The following KCNQ5 variants were observed in gnomAD, a reference collection of about 807,000 sequenced individuals.
The protein encoded by KCNQ5 is potassium voltage-gated channel subfamily Q member 5.
A neutral mutation model predicts 98.2 loss-of-function variants in KCNQ5; 30 were observed. The observed-to-expected ratio is 0.31, with a 90% CI of 0.23 to 0.41. KCNQ5 has a LOEUF of 0.41. KCNQ5 is among the 10% of genes least tolerant of loss of function. The pLI is 1.00. For synonymous variants in KCNQ5, 458 were observed against 449.4 expected (o/e 1.02, Z -0.24); for missense variants, 835 against 1,182.5 (o/e 0.71, Z 4.31).
At chr6:72,778,372 A>G (rs1254647026) in intron 1 of KCNQ5, among the ~76,000 whole-genome samples, 1 of 151,890 alleles carries the variant, frequency 6.6e-6, no homozygotes, top group Non-Finnish European at 1.5e-5. Context: ...CCCCATCTCT[A>G]CCAAAAAATA....
At chr6:73,162,109 T>C (rs1777636576) in intron 10 of KCNQ5, among the ~76,000 whole-genome samples, 1 of 150,658 alleles carries the variant, frequency 6.6e-6, no homozygotes, top group South Asian at 2.1e-4. Flanking sequence ...GTATTTTTAG[T>C]AGAGGTGGGT....
At chr6:72,972,133 C>G (rs926374297) in intron 1 of KCNQ5, among the ~76,000 whole-genome samples, 3 of 152,134 alleles carry the variant, frequency 2.0e-5, no homozygotes, top group South Asian at 2.1e-4. Context: ...TTCTCTAACC[C>G]TAACCAACAA....
chr6:73,101,803 T>C (rs1289735475), intron 5 of KCNQ5, among the ~76,000 whole-genome samples: 3 of 152,204 alleles, frequency 2.0e-5, no homozygotes, highest in Non-Finnish European at 2.9e-5. Context: ...TAATCATTAT[T>C]GTTAAAATTT....
At chr6:72,817,376 A>C (rs1775550264) in intron 1 of KCNQ5, among the ~76,000 whole-genome samples, 1 of 152,214 alleles carries the variant, frequency 6.6e-6, no homozygotes, top group Admixed American at 6.5e-5. Context: ...AAATATTTTA[A>C]TGTGCATTAC....
chr6:73,073,722 G>C (rs1189380859), intron 3 of KCNQ5, among the ~76,000 whole-genome samples: 1 of 152,084 alleles, frequency 6.6e-6, no homozygotes, highest in African/African-American at 2.4e-5. Flanking sequence ...ATAAACAAAT[G>C]AACCTGAAGC....
chr6:72,709,521 A>G lies in KCNQ5; in HGVS notation c.398+86934A>G, dbSNP rs189147357. Among the ~76,000 whole-genome samples the G allele has an allele frequency of 6.7e-3, 1,028 of 152,354 alleles. 7 individuals carry two copies. Among genetic ancestry groups the G allele is most frequent in the Non-Finnish European group, 8.8e-3 (600 of 68,034 alleles). On this transcript the variant is annotated intron_variant, in intron 1 of 13. Transcript: ENST00000370398. Reference sequence around the variant, plus strand: ...GAAAAGAGATGCTTAAACTGAGGGTATACCCCTGCTAAGTCAAAATGAATT... The same window carrying G: ...GAAAAGAGATGCTTAAACTGAGGGTGTACCCCTGCTAAGTCAAAATGAATT...
chr6:72,987,402 AGGAAGT>A (rs1768837998), intron 1 of KCNQ5: 1 of 711,026 alleles, frequency 1.4e-6, no homozygotes, highest in African/African-American at 1.7e-5. Context: ...TTGTGAAACC[AGGAAGT>A]GGACGGGAAC....
intron 10 of KCNQ5, among the ~76,000 whole-genome samples, chr6:73,138,689 G>A (rs1776578030): frequency 6.6e-6 from 1 of 152,178 alleles, no homozygotes; most frequent in South Asian, 2.1e-4. Context: ...GCCATGGAAG[G>A]TACATCCTCA....
chr6:72,747,354 C>A (rs1407667368), intron 1 of KCNQ5, among the ~76,000 whole-genome samples: 1 of 152,108 alleles, frequency 6.6e-6, no homozygotes, highest in Non-Finnish European at 1.5e-5. Context: ...TTTCTATATA[C>A]TCATTTTTCC....
At chr6:72,865,268 C>T (rs529417620) in intron 1 of KCNQ5, among the ~76,000 whole-genome samples, 5 of 152,272 alleles carry the variant, frequency 3.3e-5, no homozygotes, top group South Asian at 2.1e-4. Flanking sequence ...TGATGTTCTG[C>T]GTATAGACTC....
chr6:73,099,705 A>G (rs1310167813), intron 5 of KCNQ5, among the ~76,000 whole-genome samples: 2 of 152,226 alleles, frequency 1.3e-5, no homozygotes, highest in Non-Finnish European at 2.9e-5. Context: ...AGCAAAAGAG[A>G]GAGACATACC....
intron 10 of KCNQ5, among the ~76,000 whole-genome samples, chr6:73,167,025 T>C (rs1433728111): frequency 1.3e-5 from 2 of 152,220 alleles, no homozygotes; most frequent in Admixed American, 1.3e-4. Context: ...GGGGTGACTC[T>C]ATTCATCCTA....
chr6:72,769,285 A>G (rs539282204), intron 1 of KCNQ5, among the ~76,000 whole-genome samples: 35 of 152,242 alleles, frequency 2.3e-4, no homozygotes, highest in East Asian at 5.8e-4. Context: ...TTAATGCTGT[A>G]TGCTTAATAA....
chr6:72,637,851 T>C (rs1217271032), intron 1 of KCNQ5, among the ~76,000 whole-genome samples: 1 of 152,202 alleles, frequency 6.6e-6, no homozygotes, highest in African/African-American at 2.4e-5. Flanking sequence ...GTCCTTGACA[T>C]AGAAGAAATT....
chr6:72,803,626 A>G (rs572533455), intron 1 of KCNQ5, among the ~76,000 whole-genome samples: 3 of 152,112 alleles, frequency 2.0e-5, no homozygotes, highest in Non-Finnish European at 4.4e-5. Flanking sequence ...TTTAATTGTT[A>G]TGTAGTTTTG....
intron 1 of KCNQ5, among the ~76,000 whole-genome samples, chr6:72,998,734 C>T (rs1178560686): frequency 1.3e-5 from 2 of 149,642 alleles, no homozygotes; most frequent in Non-Finnish European, 3.0e-5. Context: ...GAGACTCCAT[C>T]TCAAAAAAAA....
chr6:72,988,843 C>G (rs1432884650), intron 1 of KCNQ5, among the ~76,000 whole-genome samples: 1 of 98,318 alleles, frequency 1.0e-5, no homozygotes, highest in African/African-American at 4.0e-5. Context: ...GTGTGATATT[C>G]CCCTTCCTGT....
intron 1 of KCNQ5, among the ~76,000 whole-genome samples, chr6:72,787,293 C>T (rs962735168): frequency 1.3e-5 from 2 of 152,168 alleles, no homozygotes; most frequent in African/African-American, 4.8e-5. Context: ...CAGCCATACT[C>T]ATTCATTTAA....
At chr6:73,093,259 T>A (rs900414644) in intron 5 of KCNQ5, among the ~76,000 whole-genome samples, 2 of 152,226 alleles carry the variant, frequency 1.3e-5, no homozygotes, top group African/African-American at 4.8e-5. Flanking sequence ...ATATCTCCCA[T>A]TTCATTTCTT....
Sources: allele counts gnomAD v4.1 joint callset (sites outside exome capture counted in the v4.1 genomes callset), GRCh38; gene constraint gnomAD v4.1.1; transcripts MANE v1.5; gene names NCBI Gene and HGNC (gene_info 2026-07-23, HGNC 2026-07-21).